Variants in JPH3 observed in about 807,000 individuals in gnomAD.
JPH3 encodes junctophilin 3, also known as junctophilin-3.
JPH3 carries 11 observed loss-of-function variants against 59.6 expected under a neutral mutation model. That is an observed-to-expected ratio of 0.18 (90% CI 0.12 to 0.31). The LOEUF (loss-of-function observed/expected upper bound fraction) is 0.31. JPH3 is among the 10% of genes least tolerant of loss of function. The pLI is 1.00. For missense variants in JPH3, 1,202 were observed against 1,105.7 expected (o/e 1.09, Z -1.24); for synonymous variants, 673 against 483.6 (o/e 1.39, Z -5.14).
intron 2 of JPH3, among the ~76,000 whole-genome samples, chr16:87,649,713 T>C (rs922598948): frequency 5.3e-5 from 8 of 151,804 alleles, no homozygotes; most frequent in Admixed American, 5.2e-4. Flanking sequence ...TGGGGCAGAT[T>C]GTAGCCCGTT....
intron 1 of JPH3, among the ~76,000 whole-genome samples, chr16:87,615,510 C>G (rs1239649051): frequency 6.6e-6 from 1 of 152,190 alleles, no homozygotes; most frequent in Non-Finnish European, 1.5e-5. Flanking sequence ...TTTCCCTGTT[C>G]ATTTGTTTCG....
intron 1 of JPH3, among the ~76,000 whole-genome samples, chr16:87,640,634 C>A (rs2031917125): frequency 6.6e-6 from 1 of 152,136 alleles, no homozygotes; most frequent in African/African-American, 2.4e-5. Context: ...TTCAGGTGAT[C>A]TGCTCGCCTC....
At chr16:87,619,549 G>A (rs1039410874) in intron 1 of JPH3, among the ~76,000 whole-genome samples, 9 of 152,294 alleles carry the variant, frequency 5.9e-5, no homozygotes, top group South Asian at 4.1e-4. Context: ...AGTAAGCGGC[G>A]ACAGGACAAA....
At chr16:87,615,917 A>C (rs1384448242) in intron 1 of JPH3, among the ~76,000 whole-genome samples, 1 of 152,112 alleles carries the variant, frequency 6.6e-6, no homozygotes, top group Non-Finnish European at 1.5e-5. Context: ...TGGGTCAATG[A>C]GTGGTCAATC....
intron 2 of JPH3, among the ~76,000 whole-genome samples, chr16:87,683,465 C>T (rs1032409641): frequency 3.8e-4 from 58 of 152,120 alleles, no homozygotes; most frequent in Middle Eastern, 3.4e-3. Flanking sequence ...CCACAACACC[C>T]GGCTAATTTT....
At chr16:87,695,819 C>T (rs1229139388) in intron 4 of JPH3, 6 of 455,948 alleles carry the variant, frequency 1.3e-5, no homozygotes, top group African/African-American at 4.0e-5. Context: ...TGTTGTGAGA[C>T]GTGTCCTACC....
intron 1 of JPH3, among the ~76,000 whole-genome samples, chr16:87,612,673 T>G (rs2030773574): frequency 6.6e-6 from 1 of 151,722 alleles, no homozygotes; most frequent in Non-Finnish European, 1.5e-5. Flanking sequence ...TAGATAAGAG[T>G]TTTTCACACT....
chr16:87,655,397 G>C, intron 2 of JPH3, among the ~76,000 whole-genome samples: 1 of 152,208 alleles, frequency 6.6e-6, no homozygotes, highest in Middle Eastern at 3.4e-3. Flanking sequence ...TCTGTCCCCC[G>C]GGCTGGAGTG....
intron 2 of JPH3, among the ~76,000 whole-genome samples, chr16:87,674,579 A>G (rs2033099152): frequency 6.6e-6 from 1 of 152,230 alleles, no homozygotes; most frequent in African/African-American, 2.4e-5. Context: ...GTGCGGCAAA[A>G]ATAAGGTGTG....
intron 1 of JPH3, among the ~76,000 whole-genome samples, chr16:87,640,668 C>T (rs1389661524): frequency 6.6e-6 from 1 of 152,164 alleles, no homozygotes; most frequent in African/African-American, 2.4e-5. Flanking sequence ...GCTGGGATTA[C>T]AAGCATGAGC....
At chr16:87,637,193 T>C (rs921673766) in intron 1 of JPH3, among the ~76,000 whole-genome samples, 21 of 152,370 alleles carry the variant, frequency 1.4e-4, no homozygotes, top group African/African-American at 5.1e-4. Flanking sequence ...CTACGTTGTT[T>C]TATTGGCATA....
At chr16:87,694,419 C>G (rs565461236) in intron 4 of JPH3, 3 of 152,228 alleles carry the variant, frequency 2.0e-5, no homozygotes, top group Non-Finnish European at 2.9e-5. Context: ...CCGGGCCAGA[C>G]GGTCAAGCAG....
At chr16:87,649,690 G>A (rs984611974) in intron 2 of JPH3, among the ~76,000 whole-genome samples, 1 of 152,174 alleles carries the variant, frequency 6.6e-6, no homozygotes, top group African/African-American at 2.4e-5. Context: ...GGTGGAAGCC[G>A]AGCTGGGGGC....
At chr16:87,635,418 C>T (rs1188334314) in intron 1 of JPH3, among the ~76,000 whole-genome samples, 1 of 152,330 alleles carries the variant, frequency 6.6e-6, no homozygotes. Context: ...TGGTGAGAGA[C>T]AGGCAGCAGC....
At chr16:87,620,780 TG>T (rs937366878) in intron 1 of JPH3, among the ~76,000 whole-genome samples, 11 of 152,308 alleles carry the variant, frequency 7.2e-5, no homozygotes, top group African/African-American at 2.6e-4. Flanking sequence ...GTTCTGCTGT[TG>T]GGGCGGCACT....
intron 4 of JPH3, among the ~76,000 whole-genome samples, chr16:87,691,978 G>T (rs1032545517): frequency 1.3e-5 from 2 of 152,144 alleles, no homozygotes; most frequent in Non-Finnish European, 2.9e-5. Context: ...CTCCCTGGGG[G>T]TCAATGCACA....
chr16:87,659,396 AAAG>A lies in JPH3; in HGVS notation c.1160+14364_1160+14366del, dbSNP rs1403423028. Among the ~76,000 whole-genome samples, 596 of 137,602 alleles carry A rather than the reference AAAG, an allele frequency of 4.3e-3. 73 individuals carry two copies. Among genetic ancestry groups the A allele is most frequent in the South Asian group, 0.016 (70 of 4,416 alleles). The allele number at this position is 137,602 out of a possible 152,430, so 90.3% of individuals were successfully genotyped here. On this transcript the variant is annotated intron_variant, in intron 2 of 4. Coordinates refer to ENST00000284262, the MANE Select transcript of JPH3 (RefSeq NM_020655.4). ...TCTCAAAAAAAAAAAAGAAAAAAAA[AAAG>A]AAAACTACACACACATACACACAAC...
chr16:87,679,746 C>T (rs891724558), intron 2 of JPH3, among the ~76,000 whole-genome samples: 16 of 152,226 alleles, frequency 1.1e-4, no homozygotes, highest in African/African-American at 3.9e-4. Flanking sequence ...GTCCGGGTGG[C>T]CACCATCTGG....
At chr16:87,627,833 C>T (rs893643219) in intron 1 of JPH3, among the ~76,000 whole-genome samples, 1 of 152,212 alleles carries the variant, frequency 6.6e-6, no homozygotes, top group African/African-American at 2.4e-5. Context: ...CAGTCCTGCC[C>T]CGAGGTGCCA....
Sources: allele counts gnomAD v4.1 joint callset (sites outside exome capture counted in the v4.1 genomes callset), GRCh38; gene constraint gnomAD v4.1.1; transcripts MANE v1.5; gene names NCBI Gene and HGNC (gene_info 2026-07-23, HGNC 2026-07-21).